NLRP5: variants seen among roughly 807,000 people sequenced by gnomAD.
NLRP5 encodes the protein NLR family pyrin domain containing 5, also known as NACHT, LRR and PYD domains-containing protein 5.
A neutral mutation model predicts 113.1 loss-of-function variants in NLRP5; 93 were observed. That is an observed-to-expected ratio of 0.82 (90% CI 0.70 to 0.98). The LOEUF is 0.98. NLRP5 is among the 50% of genes least tolerant of loss of function. The probability of loss-of-function intolerance (pLI) is 0.00; values close to 1 mark genes in which losing one functional copy is unlikely to be tolerated. For synonymous variants in NLRP5, 751 were observed against 600.7 expected (o/e 1.25, Z -3.66); for missense variants, 1,808 against 1,514.3 (o/e 1.19, Z -3.22).
intron 4 of NLRP5, among the ~76,000 whole-genome samples, chr19:56,016,875 C>T (rs1158004026): frequency 6.6e-6 from 1 of 152,186 alleles, no homozygotes; most frequent in African/African-American, 2.4e-5. Context: ...GTGGCGCGAT[C>T]TCAGCTCACT....
chr19:56,011,147 T>C (rs1030753201), intron 3 of NLRP5, among the ~76,000 whole-genome samples: 70 of 134,466 alleles, frequency 5.2e-4, no homozygotes, highest in African/African-American at 1.9e-3. Context: ...AATGAGACTA[T>C]GTCTTTAAAA....
upstream of NLRP5, among the ~76,000 whole-genome samples, chr19:55,995,764 A>T (rs1250370734): frequency 6.6e-6 from 1 of 151,962 alleles, no homozygotes; most frequent in Non-Finnish European, 1.5e-5. Flanking sequence ...TTTTTTCAGT[A>T]TTCTGTGGGT....
At chr19:56,044,018 A>T (rs1349535110) in intron 11 of NLRP5, among the ~76,000 whole-genome samples, 1 of 150,060 alleles carries the variant, frequency 6.7e-6, no homozygotes, top group East Asian at 2.0e-4. Flanking sequence ...GGTTTTTCCC[A>T]TGTTATCTTC....
intron 2 of NLRP5, among the ~76,000 whole-genome samples, chr19:56,008,114 G>C (rs532682292): frequency 6.7e-6 from 1 of 149,018 alleles, no homozygotes; most frequent in African/African-American, 2.4e-5. Context: ...ATTTTTAGTA[G>C]AGACGGGGTT....
chr19:56,050,651 C>G, intron 12 of NLRP5, 63 bp downstream of exon 12: 1 of 1,509,988 alleles, frequency 6.6e-7, no homozygotes, highest in Non-Finnish European at 9.0e-7. Context: ...CCTGAAAGGT[C>G]AAGAGATAGG....
At chr19:56,031,627 CAAAAAAAAAAAA>C (rs36019339) in intron 7 of NLRP5, among the ~76,000 whole-genome samples, 6 of 113,178 alleles carry the variant, frequency 5.3e-5, no homozygotes, top group African/African-American at 2.0e-4. Flanking sequence ...ACTCCGTCTC[CAAAAAAAAAAAA>C]AAAAAAATGT....
Position 56,033,693 on chromosome 19 carries a change from T to A in NLRP5, c.2599T>A (p.Leu867Met), listed in dbSNP as rs1202933016. The change falls in exon 9 of 15, where the codon TTG becomes ATG. Residue 867 changes from leucine to methionine, a missense_variant. Physicochemically the swap from Leu to Met is conservative, Grantham distance 15. Coordinates refer to ENST00000390649, the MANE Select transcript of NLRP5 (RefSeq NM_153447.4). Reference sequence around the variant, plus strand: ...TGAAGCCTTAAAACACCCAAAATGTTTGTTGGAGTCTTTGAGGTACGTCTC... The same window carrying A: ...TGAAGCCTTAAAACACCCAAAATGTATGTTGGAGTCTTTGAGGTACGTCTC... The A allele has an allele frequency of 1.2e-6, 2 of 1,612,932 alleles. No homozygotes were observed. Among genetic ancestry groups the A allele is most frequent in the African/African-American group, 2.7e-5 (2 of 74,870 alleles).
chr19:56,005,360 TA>T (rs1294425601), intron 2 of NLRP5, among the ~76,000 whole-genome samples: 2 of 145,834 alleles, frequency 1.4e-5, no homozygotes, highest in Admixed American at 7.0e-5. Flanking sequence ...CATATATTTT[TA>T]TATACACACA....
chr19:56,006,848 TC>T (rs1286705666), intron 2 of NLRP5, among the ~76,000 whole-genome samples: 2 of 151,738 alleles, frequency 1.3e-5, no homozygotes, highest in Admixed American at 6.5e-5. Context: ...CATGCCATTC[TC>T]CTGCTTCAGC....
intron 3 of NLRP5, among the ~76,000 whole-genome samples, chr19:56,013,596 G>GGTTTTCTTTTT (rs1555765383): frequency 1.7e-5 from 1 of 59,284 alleles, no homozygotes. Context: ...GGACATTTGG[G>GGTTTTCTTTTT]TTTTTTTTTT....
At chr19:56,011,026 C>T (rs114714887) in intron 3 of NLRP5, among the ~76,000 whole-genome samples, 1 of 151,652 alleles carries the variant, frequency 6.6e-6, no homozygotes, top group Non-Finnish European at 1.5e-5. Context: ...GGAGTGTGCA[C>T]GTATAGTCCC....
the NLRP5 span, chr19:55,987,968 T>A: frequency 7.3e-7 from 1 of 1,370,924 alleles, no homozygotes; most frequent in Non-Finnish European, 1.0e-6. Context: ...CTCTGACAAC[T>A]GGCAAATACC....
chr19:56,007,439 G>A (rs936923332), intron 2 of NLRP5, among the ~76,000 whole-genome samples: 15 of 150,636 alleles, frequency 1.0e-4, no homozygotes, highest in African/African-American at 3.7e-4. Context: ...GAAGGAGTAA[G>A]CTTTAGGCTG....
the NLRP5 span, among the ~76,000 whole-genome samples, chr19:55,987,193 A>C: frequency 5.9e-5 from 9 of 151,948 alleles, no homozygotes; most frequent in African/African-American, 1.5e-4. Context: ...ACATGGTGAA[A>C]TCCTCATCTC....
intron 8 of NLRP5, among the ~76,000 whole-genome samples, chr19:56,033,227 G>T (rs1187864348): frequency 6.6e-6 from 1 of 152,062 alleles, no homozygotes; most frequent in African/African-American, 2.4e-5. Flanking sequence ...TTCCAGCCTG[G>T]GTGACAGAGT....
chr19:56,009,068 G>C (rs1329035740), intron 3 of NLRP5, among the ~76,000 whole-genome samples: 1 of 152,098 alleles, frequency 6.6e-6, no homozygotes, highest in African/African-American at 2.4e-5. Flanking sequence ...GCCAGGTCTA[G>C]TGGCTCATGC....
intron 7 of NLRP5, among the ~76,000 whole-genome samples, chr19:56,031,748 G>A (rs1388192956): frequency 1.3e-5 from 2 of 151,996 alleles, no homozygotes; most frequent in Non-Finnish European, 2.9e-5. Flanking sequence ...AAAAACGGTA[G>A]AATGTCCTCC....
intron 12 of NLRP5, among the ~76,000 whole-genome samples, chr19:56,052,929 A>G (rs1180107183): frequency 6.6e-6 from 1 of 152,108 alleles, no homozygotes; most frequent in Non-Finnish European, 1.5e-5. Context: ...TGCTGTGCTC[A>G]TTTCTTTTAA....
rs185979774 is a variant in NLRP5 at position 56,020,857 on chromosome 19, T to A, written c.679+426T>A. ...TGGAATTACAGTGGTAAGAAAAACA[T>A]GTCTTGCCTTCGTGGCATTTTTTTT... On this transcript the variant is annotated intron_variant, in intron 6 of 14. Coordinates refer to ENST00000390649, the MANE Select transcript of NLRP5 (RefSeq NM_153447.4). Among the ~76,000 whole-genome samples the A allele has an allele frequency of 9.3e-5, 14 of 151,212 alleles. No individual in the cohort carries two copies. The East Asian group carries it at 1.5e-3, about 17-fold the overall frequency.
Sources: allele counts gnomAD v4.1 joint callset (sites outside exome capture counted in the v4.1 genomes callset), GRCh38; gene constraint gnomAD v4.1.1; transcripts MANE v1.5; gene names NCBI Gene and HGNC (gene_info 2026-07-23, HGNC 2026-07-21).